The following TBC1D19 variants were observed in gnomAD, a reference collection of about 807,000 sequenced individuals.
TBC1D19 encodes the protein TBC1 domain family, member 19.
TBC1D19 carries 60 observed loss-of-function variants against 89.0 expected under a neutral mutation model. That is an observed-to-expected ratio of 0.67 (90% confidence interval 0.55 to 0.84). The LOEUF is 0.84. Ranked by LOEUF, TBC1D19 falls within the 40% of genes least tolerant of loss-of-function variation. The pLI, the probability that TBC1D19 is intolerant of heterozygous loss-of-function variation, is 0.00. For synonymous variants in TBC1D19, 189 were observed against 199.7 expected (o/e 0.95, Z 0.45); for missense variants, 500 against 610.8 (o/e 0.82, Z 1.91).
intron 13 of TBC1D19, among the ~76,000 whole-genome samples, chr4:26,712,412 G>A (rs1303368342): frequency 1.3e-5 from 2 of 151,834 alleles, no homozygotes; most frequent in Non-Finnish European, 2.9e-5. Flanking sequence ...CCCTTCCTCT[G>A]TCTTCAAAGC....
intron 12 of TBC1D19, among the ~76,000 whole-genome samples, 188 bp from the exon 13 acceptor site, chr4:26,688,157 C>T (rs1281455054): frequency 2.6e-5 from 4 of 151,998 alleles, no homozygotes; most frequent in Non-Finnish European, 2.9e-5. Flanking sequence ...ATGAGGAATT[C>T]GAGTTCAAAT....
the TBC1D19 span, among the ~76,000 whole-genome samples, chr4:26,808,556 T>G: frequency 2.0e-5 from 3 of 151,802 alleles, no homozygotes; most frequent in African/African-American, 7.3e-5. Context: ...GTGAAACCCC[T>G]TCTCTACTAA....
chr4:26,656,792 C>T (rs1374628365), intron 7 of TBC1D19, among the ~76,000 whole-genome samples: 1 of 152,126 alleles, frequency 6.6e-6, no homozygotes, highest in Non-Finnish European at 1.5e-5. Flanking sequence ...CTCTTGAGCT[C>T]AGGCACTCTG....
intron 11 of TBC1D19, 109 bp downstream of exon 11, chr4:26,673,997 C>A: frequency 1.8e-6 from 1 of 563,336 alleles, no homozygotes. Context: ...ATTATTAACC[C>A]CCTTTTTAAA....
At chr4:26,584,333 C>A in intron 1 of TBC1D19, 41 bp downstream of exon 1, 1 of 1,557,614 alleles carries the variant, frequency 6.4e-7, no homozygotes, top group East Asian at 2.3e-5. Context: ...ACGGGCGGGG[C>A]CGCGGCGATG....
intron 1 of TBC1D19, among the ~76,000 whole-genome samples, chr4:26,593,103 A>G (rs1419750974): frequency 1.3e-5 from 2 of 152,252 alleles, no homozygotes; most frequent in Non-Finnish European, 2.9e-5. Flanking sequence ...ACAAGGCTAC[A>G]GTAACCAAAC....
chr4:26,793,897 C>A, the TBC1D19 span, among the ~76,000 whole-genome samples: 1 of 152,182 alleles, frequency 6.6e-6, no homozygotes, highest in African/African-American at 2.4e-5. Flanking sequence ...GAGGGACCAT[C>A]TTTCCAATAG....
chr4:26,725,209 C>T (rs1717233682), intron 15 of TBC1D19, among the ~76,000 whole-genome samples: 1 of 152,106 alleles, frequency 6.6e-6, no homozygotes, highest in African/African-American at 2.4e-5. Context: ...GCCATATGCT[C>T]TCTTACTAAA....
chr4:26,609,808 T>A (rs1741248246), intron 1 of TBC1D19, among the ~76,000 whole-genome samples: 1 of 152,128 alleles, frequency 6.6e-6, no homozygotes, highest in Non-Finnish European at 1.5e-5. Context: ...GGTTCATTCA[T>A]TCGATAATCA....
chr4:26,684,227 G>C (rs186805511), intron 12 of TBC1D19, among the ~76,000 whole-genome samples: 1 of 152,252 alleles, frequency 6.6e-6, no homozygotes, highest in Admixed American at 6.5e-5. Context: ...TTGCCTCCAA[G>C]CATCTGATAA....
At chr4:26,638,127 A>ATTTACTGGCC (rs1210119034) in intron 5 of TBC1D19, among the ~76,000 whole-genome samples, 39 of 149,264 alleles carry the variant, frequency 2.6e-4, no homozygotes, top group African/African-American at 9.3e-4. Flanking sequence ...TGAGAAAGAA[A>ATTTACTGGCC]AGAAAAAACA....
chr4:26,619,642 CTTAAAT>C (rs1440126225), intron 3 of TBC1D19, among the ~76,000 whole-genome samples: 1 of 152,080 alleles, frequency 6.6e-6, no homozygotes, highest in Non-Finnish European at 1.5e-5. Context: ...TATCTAGAGA[CTTAAAT>C]TTTTTTTCAT....
At chr4:26,628,099 A>G (rs570943688) in intron 4 of TBC1D19, among the ~76,000 whole-genome samples, 58 of 152,300 alleles carry the variant, frequency 3.8e-4, no homozygotes, top group African/African-American at 1.3e-3. Flanking sequence ...TCAGCTCTCT[A>G]CATATGGCTA....
chr4:26,672,526 C>A (rs1378239203), intron 10 of TBC1D19, among the ~76,000 whole-genome samples: 1 of 151,982 alleles, frequency 6.6e-6, no homozygotes, highest in Admixed American at 6.6e-5. Flanking sequence ...GATGCACCCA[C>A]ACACCTCTCA....
At chr4:26,825,417 T>G in the TBC1D19 span, among the ~76,000 whole-genome samples, 1 of 152,152 alleles carries the variant, frequency 6.6e-6, no homozygotes. Context: ...TTTTAAACTT[T>G]TCTTTCAGGA....
At chr4:26,721,397 T>C (rs1022878622) in intron 15 of TBC1D19, among the ~76,000 whole-genome samples, 1 of 152,032 alleles carries the variant, frequency 6.6e-6, no homozygotes, top group Admixed American at 6.6e-5. Context: ...CCCCAACTCA[T>C]CTAATAAGTC....
the TBC1D19 span, among the ~76,000 whole-genome samples, chr4:26,843,264 T>C: frequency 2.0e-5 from 3 of 152,208 alleles, no homozygotes; most frequent in Non-Finnish European, 4.4e-5. Context: ...TTGGTTAAGG[T>C]CCATACATAT....
At chr4:26,658,383 G>T (rs1745008114) in intron 7 of TBC1D19, among the ~76,000 whole-genome samples, 1 of 152,198 alleles carries the variant, frequency 6.6e-6, no homozygotes, top group South Asian at 2.1e-4. Flanking sequence ...GTTTGTCAAA[G>T]ATCAGATGGT....
Position 26,666,396 on chromosome 4 carries a change from G to T in TBC1D19, c.655G>T (p.Val219Leu), listed in dbSNP as rs769394005. ...ACTGGGTATAGATGATTCTACACAAGTGCCTCCTGGTTAGTATTTTTCCAA... is the reference window on the plus strand; with the variant it reads ...ACTGGGTATAGATGATTCTACACAATTGCCTCCTGGTTAGTATTTTTCCAA... ...GQLGIDDSTQ[V>L]PPELFENEHV... Residue 219 changes from valine to leucine, a missense_variant, in exon 9 of 21, where the codon GTG (valine) becomes TTG (leucine). Physicochemically the swap from Val to Leu is conservative, Grantham distance 32 (BLOSUM62 1). Coordinates refer to ENST00000264866, the MANE Select transcript of TBC1D19 (RefSeq NM_018317.4). 1 of 1,609,126 alleles carries T rather than the reference G, an allele frequency of 6.2e-7. No homozygotes were observed. The highest frequency in any genetic ancestry group is 1.7e-5 in the Admixed American group (1 of 59,928).
Sources: gnomAD v4.1 joint callset for allele counts (sites outside exome capture counted in the v4.1 genomes callset) on GRCh38, gnomAD v4.1.1 for gene constraint, MANE v1.5 for transcripts, NCBI Gene and HGNC (gene_info 2026-07-23, HGNC 2026-07-21) for gene names.